Variants in WSCD1 observed in about 807,000 individuals in gnomAD.
WSCD1 encodes WSC domain sialate O sulfotransferase 1, also known as sialate:O-sulfotransferase 1.
In WSCD1, 41 loss-of-function variants were observed where a neutral mutation model predicts 60.4. The observed-to-expected ratio is 0.68, with a 90% CI of 0.53 to 0.88. The LOEUF (loss-of-function observed/expected upper bound fraction) is 0.88. Ranked by LOEUF, WSCD1 falls within the 40% of genes least tolerant of loss-of-function variation. The pLI, the probability that WSCD1 is intolerant of heterozygous loss-of-function variation, is 0.00. For synonymous variants in WSCD1, 361 were observed against 332.5 expected, an observed-to-expected ratio of 1.09 and a Z score of -0.93; for missense variants, 784 against 796.2, an observed-to-expected ratio of 0.98 and a Z score of 0.18.
chr17:6,118,517 G>A lies in WSCD1; in HGVS notation c.1375+329G>A, dbSNP rs1904442535. Among the ~76,000 whole-genome samples the A allele has an allele frequency of 6.6e-6, 1 of 152,198 alleles. No homozygotes were observed. Among genetic ancestry groups the A allele is most frequent in the African/African-American group, 2.4e-5 (1 of 41,442 alleles). On this transcript the variant is annotated intron_variant, in intron 8 of 8. Coordinates refer to ENST00000317744, the MANE Select transcript of WSCD1 (RefSeq NM_015253.2). This position sits in a 1 kb window ranked among gnomAD's most constrained non-coding sequence, Gnocchi z 5.8. ...TTTCCATCTCTGCTTCTGCCCAGGA[G>A]CTCATGCAGGGCTGGGAGAAGAGCA... is the stretch of plus-strand genomic sequence containing the variant.
chr17:6,072,332 C>T (rs1462480604), intron 1 of WSCD1, among the ~76,000 whole-genome samples: 1 of 152,214 alleles, frequency 6.6e-6, no homozygotes, highest in Non-Finnish European at 1.5e-5. Context: ...TTGGCCAGAG[C>T]ACTGGGGAAT....
intron 1 of WSCD1, among the ~76,000 whole-genome samples, chr17:6,074,781 T>C (rs1908745117): frequency 6.6e-6 from 1 of 152,232 alleles, no homozygotes; most frequent in Admixed American, 6.5e-5. Context: ...GGTGATGCTC[T>C]GGTGGGATAC....
rs949014122 is a variant in WSCD1 at position 6,120,776 on chromosome 17, G to T, written c.*115G>T. On this transcript the variant is annotated 3_prime_UTR_variant, in exon 9 of 9. Transcript: ENST00000317744. ...CACTGGGACGAACGGTGGGTGGGGG[G>T]CTCACCCTGGTGCTGCCTCCCGCAC... The T allele has an allele frequency of 1.5e-5, 17 of 1,103,476 alleles. No homozygotes were observed. The highest frequency in any genetic ancestry group is 4.7e-5 in the African/African-American group (3 of 63,734). The allele number at this position is 1,103,476 out of a possible 1,614,324, so 68.4% of individuals were successfully genotyped here. A position where few individuals can be genotyped will look rare whatever the true frequency, so the allele number is the denominator to read the frequency against.
chr17:6,092,267 C>T (rs1455231913), intron 4 of WSCD1, among the ~76,000 whole-genome samples: 1 of 151,974 alleles, frequency 6.6e-6, no homozygotes, highest in African/African-American at 2.4e-5. Flanking sequence ...CCCTGAGAAC[C>T]GTGGGTGAAC....
At position 6,101,889 on chromosome 17, in the gene WSCD1, G is replaced by C. The variant is rs1567557675; in HGVS notation, c.849+6666G>C. Among the ~76,000 whole-genome samples the C allele has an allele frequency of 6.6e-6, 1 of 152,152 alleles. No homozygotes were observed. Among genetic ancestry groups the C allele is most frequent in the African/African-American group, 2.4e-5 (1 of 41,422 alleles). On this transcript the variant is annotated intron_variant, in intron 5 of 8. Transcript: ENST00000317744. This position sits in a 1 kb window ranked among gnomAD's most constrained non-coding sequence, Gnocchi z 4.1. ...TGCTCAAGTAGATAGGCCATTTGTG[G>C]GGGTGCTCCGAAAGGAGGCTGATGA...
In WSCD1 at chr17:6,075,518, G is replaced by A. The variant is rs1313363529; in HGVS notation, c.-288-4853G>A. ...GGCAGTTGCTGCTCCCTCGGTCCCAGATGGCAACAAAGTAATAGACAAAAG... is the reference window on the plus strand; with the variant it reads ...GGCAGTTGCTGCTCCCTCGGTCCCAAATGGCAACAAAGTAATAGACAAAAG... On this transcript the variant is annotated intron_variant, in intron 1 of 8. Coordinates refer to ENST00000317744, the MANE Select transcript of WSCD1 (RefSeq NM_015253.2). The surrounding 1 kb of genome is among the most constrained non-coding windows in gnomAD (Gnocchi z 4.1). 6.6e-6 allele frequency among the ~76,000 whole-genome samples: 1 copy of A among 152,152 alleles called. No homozygotes were observed.
rs953460594 is a variant in WSCD1 at position 6,120,870 on chromosome 17, A to T, written c.*209A>T. On this transcript the variant is annotated 3_prime_UTR_variant, in exon 9 of 9. Coordinates refer to ENST00000317744, the MANE Select transcript of WSCD1 (RefSeq NM_015253.2). ...AAATGGACACACATACCTGGCCACG[A>T]ACCCACACCTCCTCAGACACTCAGA... is the stretch of plus-strand genomic sequence containing the variant. The T allele has an allele frequency of 5.1e-6, 3 of 592,292 alleles. No homozygotes were observed. The highest frequency in any genetic ancestry group is 8.9e-6 in the Non-Finnish European group (3 of 337,712). The allele number at this position is 592,292 out of a possible 1,614,324, so 36.7% of individuals were successfully genotyped here.
chr17:6,114,053 C>T (rs775639507), intron 7 of WSCD1, among the ~76,000 whole-genome samples: 15 of 148,164 alleles, frequency 1.0e-4, no homozygotes, highest in Non-Finnish European at 8.9e-5. Context: ...ATGCTTATTA[C>T]AGCACCATAC....
Position 6,120,629 on chromosome 17 carries a change from A to T in WSCD1, c.1696A>T (p.Thr566Ser), listed in dbSNP as rs768591638. 3 of 1,613,026 alleles carry T rather than the reference A, an allele frequency of 1.9e-6. No individual in the cohort carries two copies. The African/African-American group carries it at 4.0e-5, about 22-fold the overall frequency. ...CCAAGCCCTGCGTGACCACAACTGGACGGGGCTGCCCAGGGAGTATGTGCC... is the reference window on the plus strand; with the variant it reads ...CCAAGCCCTGCGTGACCACAACTGGTCGGGGCTGCCCAGGGAGTATGTGCC... ...VDQALRDHNW[T>S]GLPREYVPR Residue 566 changes from threonine to serine, a missense_variant, in exon 9 of 9, where the codon ACG (threonine) becomes TCG (serine). Transcript: ENST00000317744.
At chr17:6,079,843 A>C (rs1231413399) in intron 1 of WSCD1, among the ~76,000 whole-genome samples, 1 of 152,202 alleles carries the variant, frequency 6.6e-6, no homozygotes, top group Non-Finnish European at 1.5e-5. Flanking sequence ...TTGAGAGTCC[A>C]GGCTCCGAAC....
intron 8 of WSCD1, 62 bp from the exon 9 acceptor site, chr17:6,120,247 G>C: frequency 6.4e-7 from 1 of 1,554,252 alleles, no homozygotes; most frequent in Non-Finnish European, 8.8e-7. Context: ...GCAGCCCCCC[G>C]GGGACCGGCA....
chr17:6,104,185 C>T lies in WSCD1; in HGVS notation c.850-5422C>T, dbSNP rs60061512. 8.5e-3 allele frequency among the ~76,000 whole-genome samples: 1,297 copies of T among 152,152 alleles called. 24 individuals are homozygous for T. Among genetic ancestry groups the T allele is most frequent in the African/African-American group, 0.029 (1,208 of 41,494 alleles). ...AGGCTCCTATAAACAACCAGCTGTCCGTGAACTGAGAGCAAGAACTCCCTC... is the reference window on the plus strand; with the variant it reads ...AGGCTCCTATAAACAACCAGCTGTCTGTGAACTGAGAGCAAGAACTCCCTC... On this transcript the variant is annotated intron_variant, in intron 5 of 8. Transcript: ENST00000317744.
In WSCD1 at chr17:6,117,926, G is replaced by T. The variant is rs2150571916; in HGVS notation, c.1175-62G>T. The stretch of plus-strand genomic sequence containing the variant: ...GCCAGCTTTACCCAATCTGTCTGCT[G>T]CTATGGTAGGGTGCCCCATGGACAC... On this transcript the variant is annotated intron_variant, in intron 7 of 8. Coordinates refer to ENST00000317744, the MANE Select transcript of WSCD1 (RefSeq NM_015253.2). 3 of 1,559,430 alleles carry T rather than the reference G, an allele frequency of 1.9e-6. No homozygotes were observed. In the East Asian group the frequency reaches 6.7e-5, roughly 35 times the overall value.
chr17:6,081,412 T>C (rs1038942568), intron 2 of WSCD1, among the ~76,000 whole-genome samples: 3 of 151,934 alleles, frequency 2.0e-5, no homozygotes, highest in African/African-American at 7.3e-5. Context: ...ACAAGTTTCA[T>C]TGAATATATG....
At chr17:6,106,762 G>A (rs986165553) in intron 5 of WSCD1, among the ~76,000 whole-genome samples, 1 of 152,156 alleles carries the variant, frequency 6.6e-6, no homozygotes, top group African/African-American at 2.4e-5. Context: ...GTGATGGTGG[G>A]AAGGGTTTGC....
chr17:6,074,717 C>G (rs1337487891), intron 1 of WSCD1, among the ~76,000 whole-genome samples: 1 of 152,070 alleles, frequency 6.6e-6, no homozygotes, highest in Non-Finnish European at 1.5e-5. Context: ...CACAAGCATC[C>G]CTGGCTGGTG....
chr17:6,093,345 G>A (rs889439366), intron 4 of WSCD1, among the ~76,000 whole-genome samples: 1 of 152,226 alleles, frequency 6.6e-6, no homozygotes, highest in African/African-American at 2.4e-5. Flanking sequence ...CACCTGCTGT[G>A]TGTCAGGATC....
In WSCD1 at chr17:6,080,653, AG is replaced by A. The variant is rs1449388782; in HGVS notation, c.-2del. On this transcript the variant is annotated 5_prime_UTR_variant, in exon 2 of 9. Transcript: ENST00000317744. This position sits in a 1 kb window ranked among gnomAD's most constrained non-coding sequence, Gnocchi z 6.6. ...GCTCCAGCCAGGAGCCCTGCTGCCCAGGGGCATGGCCAAACCTTTCTTCCGA... is the reference window on the plus strand; with the variant it reads ...GCTCCAGCCAGGAGCCCTGCTGCCCAGGGCATGGCCAAACCTTTCTTCCGA... 1 of 1,613,370 alleles carries A rather than the reference AG, an allele frequency of 6.2e-7. No individual in the cohort carries two copies. Among genetic ancestry groups the A allele is most frequent in the East Asian group, 2.2e-5 (1 of 44,854 alleles).
chr17:6,074,751 G>T (rs918263271), intron 1 of WSCD1, among the ~76,000 whole-genome samples: 1 of 152,274 alleles, frequency 6.6e-6, no homozygotes, highest in African/African-American at 2.4e-5. Flanking sequence ...GAGGGTGCTT[G>T]ACGCCTCTCT....
Sources: allele counts gnomAD v4.1 joint callset (sites outside exome capture counted in the v4.1 genomes callset), GRCh38; gene constraint gnomAD v4.1.1; non-coding constraint Gnocchi (gnomAD v3.1); transcripts MANE v1.5; gene names NCBI Gene and HGNC (gene_info 2026-07-23, HGNC 2026-07-21).